RABGAP1L: variants seen among roughly 807,000 people sequenced by gnomAD.
The protein encoded by RABGAP1L is RAB GTPase activating protein 1 like.
Under a neutral mutation model 137.7 loss-of-function variants are expected in RABGAP1L, and 63 were observed. That is an observed-to-expected ratio of 0.46 (90% CI 0.37 to 0.56). The LOEUF is 0.56. Among genes scored for constraint, RABGAP1L ranks in the 20% least tolerant of loss-of-function variants. The pLI, the probability that RABGAP1L is intolerant of heterozygous loss-of-function variation, is 0.00. For synonymous variants in RABGAP1L, 431 were observed against 433.7 expected, an observed-to-expected ratio of 0.99 and a Z score of 0.08; for missense variants, 1,095 against 1,244.0, an observed-to-expected ratio of 0.88 and a Z score of 1.80.
intron 14 of RABGAP1L, among the ~76,000 whole-genome samples, chr1:174,653,032 GT>G (rs1327785212): frequency 6.6e-6 from 1 of 152,200 alleles, no homozygotes; most frequent in Non-Finnish European, 1.5e-5. Context: ...TCTGGCTACA[GT>G]ATCTTTTCTG....
At chr1:174,577,395 A>G (rs777843517) in intron 13 of RABGAP1L, among the ~76,000 whole-genome samples, 1 of 151,870 alleles carries the variant, frequency 6.6e-6, no homozygotes, top group East Asian at 1.9e-4. Context: ...TTGGTCCCTA[A>G]GTGTACAACT....
At chr1:174,963,813 T>C (rs1669381104) in intron 20 of RABGAP1L, among the ~76,000 whole-genome samples, 2 of 152,102 alleles carry the variant, frequency 1.3e-5, no homozygotes, top group South Asian at 4.1e-4. Context: ...ACATAGACCA[T>C]GCGACCTGCA....
chr1:174,699,649 A>C lies in RABGAP1L; in HGVS notation c.2024A>C (p.Gln675Pro). The C allele has an allele frequency of 6.2e-7, 1 of 1,600,102 alleles. No homozygotes were observed. Among genetic ancestry groups the C allele is most frequent in the Non-Finnish European group, 8.5e-7 (1 of 1,171,342 alleles). The change falls in exon 16 of 26, where the codon CAG becomes CCG. Residue 675 changes from glutamine (Q) to proline (P), a missense_variant and splice_region_variant. This residue lies in a region of RABGAP1L where 312 missense variants were observed against 435.6 expected (regional missense o/e 0.72). Transcript: ENST00000681986. ...CKFYQLERLM[Q>P]EQLPDLHSHF... ...TTCTACCAGTTGGAGAGACTAATGC[A>C]GGTAAATAAAAATTAGGAACTTTTA...
intron 13 of RABGAP1L, among the ~76,000 whole-genome samples, chr1:174,537,858 A>G (rs768234729): frequency 6.6e-6 from 1 of 152,222 alleles, no homozygotes; most frequent in Non-Finnish European, 1.5e-5. Context: ...AAGATCTTCC[A>G]TGAGTATCAA....
At chr1:174,274,450 G>A (rs886399916) in intron 8 of RABGAP1L, among the ~76,000 whole-genome samples, 2 of 152,014 alleles carry the variant, frequency 1.3e-5, no homozygotes, top group East Asian at 1.9e-4. Context: ...GTACAGTAAC[G>A]TGCTGTACAA....
intron 19 of RABGAP1L, among the ~76,000 whole-genome samples, chr1:174,943,620 G>T (rs1666249579): frequency 6.6e-6 from 1 of 152,164 alleles, no homozygotes; most frequent in African/African-American, 2.4e-5. Flanking sequence ...CGGATCACGA[G>T]GTCAGGAGTT....
chr1:174,197,361 A>G (rs555373277), intron 1 of RABGAP1L, among the ~76,000 whole-genome samples: 1 of 152,144 alleles, frequency 6.6e-6, no homozygotes, highest in South Asian at 2.1e-4. Context: ...TTGAACTCTT[A>G]TAAGTAGGTT....
chr1:174,650,651 G>A (rs1294612759), intron 14 of RABGAP1L, among the ~76,000 whole-genome samples: 3 of 151,892 alleles, frequency 2.0e-5, no homozygotes, highest in South Asian at 2.1e-4. Flanking sequence ...TCTGATGGTA[G>A]TTTGTATTTC....
At chr1:174,507,599 C>T (rs1256469817) in intron 13 of RABGAP1L, among the ~76,000 whole-genome samples, 1 of 151,762 alleles carries the variant, frequency 6.6e-6, no homozygotes, top group East Asian at 1.9e-4. Flanking sequence ...ACCATAGCTG[C>T]TAATGAGAAG....
chr1:174,413,659 G>C (rs1214941740), intron 13 of RABGAP1L, among the ~76,000 whole-genome samples: 1 of 151,728 alleles, frequency 6.6e-6, no homozygotes, highest in Non-Finnish European at 1.5e-5. Context: ...TATTTTTTCT[G>C]TACCCTCCTC....
At chr1:174,312,478 T>A (rs1483255975) in intron 11 of RABGAP1L, among the ~76,000 whole-genome samples, 3 of 152,158 alleles carry the variant, frequency 2.0e-5, no homozygotes, top group Admixed American at 6.6e-5. Context: ...GTTTGAGCTG[T>A]TCCTTATATT....
chr1:174,453,389 G>C (rs1348154051), intron 13 of RABGAP1L, among the ~76,000 whole-genome samples: 1 of 152,174 alleles, frequency 6.6e-6, no homozygotes, highest in African/African-American at 2.4e-5. Flanking sequence ...AAAGATAAAT[G>C]AAGTTGCCTT....
intron 11 of RABGAP1L, among the ~76,000 whole-genome samples, chr1:174,321,642 TC>T (rs1680003858): frequency 6.6e-6 from 1 of 152,188 alleles, no homozygotes; most frequent in Admixed American, 6.5e-5. Flanking sequence ...AAATATATGC[TC>T]CCATTTCACT....
At chr1:174,205,196 G>A (rs1249916404) in intron 1 of RABGAP1L, among the ~76,000 whole-genome samples, 1 of 152,104 alleles carries the variant, frequency 6.6e-6, no homozygotes, top group Admixed American at 6.6e-5. Context: ...TGCCGGATTC[G>A]GTTTTCAAGT....
At chr1:174,227,663 A>G (rs762211576) in intron 3 of RABGAP1L, among the ~76,000 whole-genome samples, 4 of 151,920 alleles carry the variant, frequency 2.6e-5, no homozygotes, top group Non-Finnish European at 5.9e-5. Context: ...CATTAGCTAT[A>G]TAATTTTGTC....
intron 17 of RABGAP1L, among the ~76,000 whole-genome samples, chr1:174,735,724 G>C (rs1403272022): frequency 6.6e-6 from 1 of 150,824 alleles, no homozygotes; most frequent in Non-Finnish European, 1.5e-5. Context: ...CATGACTCCA[G>C]CATCTGCTTC....
At chr1:174,483,943 A>G (rs1344811905) in intron 13 of RABGAP1L, among the ~76,000 whole-genome samples, 2 of 152,204 alleles carry the variant, frequency 1.3e-5, no homozygotes, top group Non-Finnish European at 2.9e-5. Flanking sequence ...TTGCTGGATC[A>G]TATGGTAGCT....
intron 7 of RABGAP1L, among the ~76,000 whole-genome samples, chr1:174,266,578 AAT>A (rs1674093176): frequency 6.6e-6 from 1 of 152,216 alleles, no homozygotes; most frequent in Non-Finnish European, 1.5e-5. Context: ...TTAACAGAGT[AAT>A]TGCAAAACAA....
rs1267372767 is a variant in RABGAP1L, at chr1:174,538,435, T to A, written c.1711-98940T>A. Reference sequence around the variant, plus strand: ...TGTTTCCAAACCCAACATTGTCTACTCTGTATCCTGTATAGTTTGTGCCCT... The same window carrying A: ...TGTTTCCAAACCCAACATTGTCTACACTGTATCCTGTATAGTTTGTGCCCT... On this transcript the variant is annotated intron_variant, in intron 13 of 25. Coordinates refer to ENST00000681986, the MANE Select transcript of RABGAP1L (RefSeq NM_001366446.1). Among the ~76,000 whole-genome samples the A allele has an allele frequency of 2.6e-5, 4 of 152,204 alleles. No individual in the cohort carries two copies. The East Asian group carries it at 7.7e-4, about 29-fold the overall frequency.
Sources: allele counts gnomAD v4.1 joint callset (sites outside exome capture counted in the v4.1 genomes callset), GRCh38; gene constraint gnomAD v4.1.1; regional missense constraint gnomAD v4.1.1; transcripts MANE v1.5; gene names NCBI Gene and HGNC (gene_info 2026-07-23, HGNC 2026-07-21).